BAALC: variants seen among roughly 807,000 people sequenced by gnomAD.
BAALC encodes the protein brain and acute leukemia cytoplasmic protein.
BAALC carries 9 observed loss-of-function variants against 15.5 expected under a neutral mutation model. The observed-to-expected ratio is 0.58, with a 90% CI of 0.35 to 1.02. The LOEUF is 1.02. Ranked by LOEUF, BAALC falls within the 50% of genes least tolerant of loss-of-function variation. BAALC has a pLI of 0.02. For synonymous variants in BAALC, 80 were observed against 74.6 expected (o/e 1.07, Z -0.37); for missense variants, 201 against 192.4 (o/e 1.04, Z -0.27).
chr8:103,179,068 C>T (rs1475085494), intron 1 of BAALC, among the ~76,000 whole-genome samples: 2 of 152,182 alleles, frequency 1.3e-5, no homozygotes, highest in Non-Finnish European at 1.5e-5. Flanking sequence ...CTTTGGGGTT[C>T]TCTTCTCTAT....
chr8:103,194,321 A>T (rs888798300), intron 1 of BAALC, among the ~76,000 whole-genome samples: 8 of 152,234 alleles, frequency 5.3e-5, no homozygotes, highest in Non-Finnish European at 1.0e-4. Context: ...TTTGCCTTTA[A>T]GGATTAGGGA....
chr8:103,175,739 C>T (rs752434921), intron 1 of BAALC, among the ~76,000 whole-genome samples: 3 of 152,206 alleles, frequency 2.0e-5, no homozygotes, highest in Non-Finnish European at 2.9e-5. Context: ...GCAAAGAGCT[C>T]GAACCCCAAG....
rs938517585 is a variant in BAALC at position 103,140,836 on chromosome 8, G to A, written c.-62G>A. 7.3e-6 allele frequency: 10 copies of A among 1,378,862 alleles called. No individual in the cohort carries two copies. The African/African-American group carries it at 1.4e-4, about 19-fold the overall frequency. The allele number at this position is 1,378,862 out of a possible 1,614,324, so 85.4% of individuals were successfully genotyped here. ...TTGCGGGCCGGGGCTGCGCCTCCGGGGCTGAGCCGCCGCCAGAGCCGACAG... is the reference window on the plus strand; with the variant it reads ...TTGCGGGCCGGGGCTGCGCCTCCGGAGCTGAGCCGCCGCCAGAGCCGACAG... On this transcript the variant is annotated 5_prime_UTR_variant, in exon 1 of 3. Coordinates refer to ENST00000309982, the MANE Select transcript of BAALC (RefSeq NM_024812.3). This position sits in a 1 kb window ranked among gnomAD's most constrained non-coding sequence, Gnocchi z 4.2.
chr8:103,209,456 C>T (rs1458906125), intron 1 of BAALC, among the ~76,000 whole-genome samples: 7 of 152,142 alleles, frequency 4.6e-5, no homozygotes, highest in Non-Finnish European at 1.0e-4. Flanking sequence ...TCCCATTCAG[C>T]AGCCCCAAGG....
chr8:103,205,168 G>A (rs1405621450), intron 1 of BAALC, among the ~76,000 whole-genome samples: 1 of 152,164 alleles, frequency 6.6e-6, no homozygotes, highest in Non-Finnish European at 1.5e-5. Context: ...AAGCTAAGGA[G>A]AAATTACCCC....
intron 1 of BAALC, among the ~76,000 whole-genome samples, chr8:103,205,323 C>T (rs545618745): frequency 2.1e-4 from 32 of 152,162 alleles, no homozygotes; most frequent in Non-Finnish European, 3.8e-4. Flanking sequence ...GCTGTGGACA[C>T]AGCTATTTCC....
chr8:103,177,102 G>A (rs1003325165), intron 1 of BAALC, among the ~76,000 whole-genome samples: 4 of 152,006 alleles, frequency 2.6e-5, no homozygotes, highest in Non-Finnish European at 5.9e-5. Context: ...TCATAAAGAT[G>A]GAAAGCATAT....
At chr8:103,173,307 A>G (rs1044382435) in intron 1 of BAALC, among the ~76,000 whole-genome samples, 7 of 152,162 alleles carry the variant, frequency 4.6e-5, no homozygotes, top group African/African-American at 1.7e-4. Context: ...CCTCTTCTGT[A>G]TTTAAATGAC....
intron 1 of BAALC, among the ~76,000 whole-genome samples, chr8:103,176,561 G>C (rs982311078): frequency 2.0e-5 from 3 of 152,116 alleles, no homozygotes; most frequent in African/African-American, 7.2e-5. Flanking sequence ...GAAAGGGAGT[G>C]AGCAATCCTA....
chr8:103,144,845 T>C (rs1563632400), intron 1 of BAALC, among the ~76,000 whole-genome samples: 2 of 152,206 alleles, frequency 1.3e-5, no homozygotes, highest in African/African-American at 2.4e-5. Flanking sequence ...AATATCACCA[T>C]TACCCATCAT....
chr8:103,228,186 G>A lies in BAALC; in HGVS notation c.*87G>A. 1.1e-6 allele frequency: 1 copy of A among 920,518 alleles called. No homozygotes were observed. The highest frequency in any genetic ancestry group is 1.7e-6 in the Non-Finnish European group (1 of 590,738). The allele number at this position is 920,518 out of a possible 1,614,324, so 57.0% of individuals were successfully genotyped here. ...ATCAAAGAACCTTGAAGAAGTGGCT[G>A]CCCCTTGCTGGACCTGAATTCTACT... On this transcript the variant is annotated 3_prime_UTR_variant, in exon 3 of 3. Coordinates refer to ENST00000309982, the MANE Select transcript of BAALC (RefSeq NM_024812.3).
intron 1 of BAALC, among the ~76,000 whole-genome samples, chr8:103,189,727 C>T (rs1811923933): frequency 6.6e-6 from 1 of 152,140 alleles, no homozygotes. Flanking sequence ...TTCTGAGGAG[C>T]CTAGGGATAC....
At chr8:103,216,462 C>T (rs574258723) in intron 2 of BAALC, among the ~76,000 whole-genome samples, 32 of 152,202 alleles carry the variant, frequency 2.1e-4, no homozygotes, top group Non-Finnish European at 4.3e-4. Flanking sequence ...GTAGCAACTA[C>T]TTATTAATTA....
chr8:103,146,635 C>T (rs1245411969), intron 1 of BAALC, among the ~76,000 whole-genome samples: 1 of 152,212 alleles, frequency 6.6e-6, no homozygotes, highest in Non-Finnish European at 1.5e-5. Flanking sequence ...TCAATTTCTT[C>T]TTGTAGACCC....
At chr8:103,215,161 C>CA (rs1203104730) in intron 2 of BAALC, among the ~76,000 whole-genome samples, 2 of 152,320 alleles carry the variant, frequency 1.3e-5, no homozygotes, top group South Asian at 2.1e-4. Context: ...CCTGCCCCCC[C>CA]ATCCATCACT....
rs775458426 is a variant in BAALC at position 103,212,924 on chromosome 8, C to G, written c.166C>G (p.Leu56Val). ...PEAGGLHSGM[L>V]EDGLPSNGVP... ...CCTCTGCTTACCTCCCCCAGGCATGCTGGAAGATGGACTGCCCTCCAATGG... is the reference window on the plus strand; with the variant it reads ...CCTCTGCTTACCTCCCCCAGGCATGGTGGAAGATGGACTGCCCTCCAATGG... The change falls in exon 2 of 3, where the codon CTG becomes GTG. Residue 56 changes from leucine (L) to valine (V), a missense_variant. Coordinates refer to ENST00000309982, the MANE Select transcript of BAALC (RefSeq NM_024812.3). 15 of 1,612,352 alleles carry G rather than the reference C, an allele frequency of 9.3e-6. No homozygotes were observed. The East Asian group carries it at 2.7e-4, about 29-fold the overall frequency.
Position 103,227,933 on chromosome 8 carries a change from C to A in BAALC, c.328-56C>A. 3.2e-6 allele frequency: 4 copies of A among 1,255,214 alleles called. No individual in the cohort carries two copies. The South Asian group carries it at 5.1e-5, about 16-fold the overall frequency. The allele number at this position is 1,255,214 out of a possible 1,614,324, so 77.8% of individuals were successfully genotyped here. ...TAAATTGATTGAGACTTGCCTCGGT[C>A]ATTTTCTTTGGTTTACATTTCCTAG... On this transcript the variant is annotated intron_variant, in intron 2 of 2. Transcript: ENST00000309982.
intron 2 of BAALC, among the ~76,000 whole-genome samples, chr8:103,215,573 T>C (rs1461630070): frequency 1.3e-5 from 2 of 152,196 alleles, no homozygotes; most frequent in African/African-American, 4.8e-5. Context: ...GCTCAGTCTG[T>C]TCCATATATA....
chr8:103,217,275 A>T (rs576450037), intron 2 of BAALC, among the ~76,000 whole-genome samples: 9 of 152,208 alleles, frequency 5.9e-5, no homozygotes, highest in Non-Finnish European at 1.2e-4. Context: ...GTCACTGGCC[A>T]TTCTGAGTCC....
Sources: allele counts gnomAD v4.1 joint callset (sites outside exome capture counted in the v4.1 genomes callset), GRCh38; gene constraint gnomAD v4.1.1; non-coding constraint Gnocchi (gnomAD v3.1); transcripts MANE v1.5; gene names NCBI Gene and HGNC (gene_info 2026-07-23, HGNC 2026-07-21).